Variants in DPP6 observed in about 807,000 individuals in gnomAD.
DPP6 encodes the protein dipeptidyl peptidase like 6, also known as A-type potassium channel modulatory protein DPP6.
In DPP6, 69 loss-of-function variants were observed where a neutral mutation model predicts 122.6. The ratio of observed to expected loss-of-function variants is 0.56; its 90% CI spans 0.46 to 0.69. The LOEUF (loss-of-function observed/expected upper bound fraction) is 0.69. Ranked by LOEUF, DPP6 falls within the 30% of genes least tolerant of loss-of-function variation. The pLI is 0.00. For synonymous variants in DPP6, 418 were observed against 433.1 expected (o/e 0.97, Z 0.43); for missense variants, 928 against 1,116.9 (o/e 0.83, Z 2.41).
chr7:154,274,547 T>A (rs1420288386), intron 1 of DPP6, among the ~76,000 whole-genome samples: 2 of 152,210 alleles, frequency 1.3e-5, no homozygotes, highest in African/African-American at 4.8e-5. Flanking sequence ...CCAGAAGTGT[T>A]AGACCTTGAA....
At position 154,282,824 on chromosome 7, in the gene DPP6, G is replaced by A. The variant is rs1804612072; in HGVS notation, c.244-163390G>A. Among the ~76,000 whole-genome samples the A allele has an allele frequency of 6.6e-6, 1 of 152,118 alleles. No homozygotes were observed. Among genetic ancestry groups the A allele is most frequent in the East Asian group, 1.9e-4 (1 of 5,192 alleles). On this transcript the variant is annotated intron_variant, in intron 1 of 25. Coordinates refer to ENST00000377770, the MANE Select transcript of DPP6 (RefSeq NM_130797.4). This position sits in a 1 kb window ranked among gnomAD's most constrained non-coding sequence, Gnocchi z 4.8. ...AGGGTTTAGAAATAACCACAAATAG[G>A]CCCATTTATAACAAGAGGTTGAAGG... is the stretch of plus-strand genomic sequence containing the variant.
At chr7:154,430,419 C>T (rs77146342) in intron 1 of DPP6, among the ~76,000 whole-genome samples, 3,241 of 152,200 alleles carry the variant, frequency 0.021, 41 homozygotes, top group Non-Finnish European at 0.031. Flanking sequence ...AGTGTGCTGG[C>T]GTGGTCAGGT....
chr7:154,170,448 G>A (rs1376577610), intron 1 of DPP6, among the ~76,000 whole-genome samples: 2 of 152,190 alleles, frequency 1.3e-5, no homozygotes, highest in African/African-American at 2.4e-5. Context: ...TATCAGGTCT[G>A]TTTTGTTCTC....
At chr7:154,351,751 G>A (rs1445338299) in intron 1 of DPP6, among the ~76,000 whole-genome samples, 1 of 152,184 alleles carries the variant, frequency 6.6e-6, no homozygotes, top group Non-Finnish European at 1.5e-5. Context: ...ATGTTAACAA[G>A]CAGCCTTGGA....
Position 154,893,164 on chromosome 7 carries a change from C to T in DPP6, c.*684C>T, listed in dbSNP as rs1806766996. 5.9e-6 allele frequency: 2 copies of T among 340,584 alleles called. No homozygotes were observed. Among genetic ancestry groups the T allele is most frequent in the Non-Finnish European group, 1.2e-5 (2 of 173,408 alleles). 21.1% of individuals were successfully genotyped at this position (340,584 alleles called of 1,614,324 possible). On this transcript the variant is annotated 3_prime_UTR_variant, in exon 26 of 26. Coordinates refer to ENST00000377770, the MANE Select transcript of DPP6 (RefSeq NM_130797.4). ...CTGTTTGGGGTTGGGCCTTGTTTCC[C>T]TTTCCTTTCTCCAGTCCACGTGTAG...
At chr7:153,825,511 C>T in the DPP6 span, among the ~76,000 whole-genome samples, 2 of 152,154 alleles carry the variant, frequency 1.3e-5, no homozygotes, top group Non-Finnish European at 2.9e-5. Flanking sequence ...CCAGACAGTG[C>T]CCCTTAGGGA....
chr7:154,544,792 C>T (rs748806733), intron 4 of DPP6, among the ~76,000 whole-genome samples: 2 of 152,136 alleles, frequency 1.3e-5, no homozygotes, highest in Non-Finnish European at 2.9e-5. Context: ...GATTCCAGAG[C>T]GTTAGGCTAG....
chr7:154,376,260 G>T (rs1165017393), intron 1 of DPP6, among the ~76,000 whole-genome samples: 10 of 152,196 alleles, frequency 6.6e-5, no homozygotes, highest in Non-Finnish European at 1.0e-4. Flanking sequence ...CTGTAATTGT[G>T]CTGGAAGGAC....
chr7:154,633,929 C>T (rs1160201505), intron 5 of DPP6, among the ~76,000 whole-genome samples: 1 of 152,096 alleles, frequency 6.6e-6, no homozygotes, highest in African/African-American at 2.4e-5. Context: ...TTTCACATTC[C>T]CACACTTGGC....
chr7:154,545,821 G>A (rs913051352), intron 4 of DPP6, among the ~76,000 whole-genome samples: 5 of 152,262 alleles, frequency 3.3e-5, no homozygotes, highest in African/African-American at 7.2e-5. Flanking sequence ...TGGATGTAAC[G>A]CACCAGTTCA....
chr7:154,488,006 T>C (rs1322485026), intron 3 of DPP6, among the ~76,000 whole-genome samples: 2 of 152,166 alleles, frequency 1.3e-5, no homozygotes, highest in Non-Finnish European at 1.5e-5. Context: ...GTAATTATCA[T>C]AGTTCCCTCA....
chr7:154,847,787 G>A (rs1275075670), intron 16 of DPP6, among the ~76,000 whole-genome samples: 1 of 152,172 alleles, frequency 6.6e-6, no homozygotes, highest in African/African-American at 2.4e-5. Flanking sequence ...AACTGAAACT[G>A]TGTACCCTTC....
At chr7:153,786,134 A>G in the DPP6 span, among the ~76,000 whole-genome samples, 2 of 152,094 alleles carry the variant, frequency 1.3e-5, no homozygotes, top group African/African-American at 2.4e-5. Flanking sequence ...GACTTAGACC[A>G]TGACTAATAG....
At chr7:154,509,591 G>C (rs965304019) in intron 3 of DPP6, among the ~76,000 whole-genome samples, 3 of 152,130 alleles carry the variant, frequency 2.0e-5, no homozygotes, top group Non-Finnish European at 2.9e-5. Context: ...AATAAACATA[G>C]AGTTATCCTT....
At chr7:154,058,712 C>T (rs111230537) in intron 1 of DPP6, 2,380 of 149,994 alleles carry the variant, frequency 0.016, 41 homozygotes, top group Middle Eastern at 0.029. Context: ...AATCTTCCGA[C>T]GGCAGGTACC....
rs769755446 is a variant in DPP6 at position 154,875,946 on chromosome 7, G to T, written c.1924G>T (p.Glu642Ter). 10 of 1,613,390 alleles carry T rather than the reference G, an allele frequency of 6.2e-6. No homozygotes were observed. Among genetic ancestry groups the T allele is most frequent in the Non-Finnish European group, 6.8e-6 (8 of 1,179,706 alleles). The change falls in exon 20 of 26, where the codon GAG (glutamate) becomes TAG (stop). Residue 642 changes from glutamate (E) to a stop codon, truncating the protein, a stop_gained. Transcript: ENST00000377770. LOFTEE classifies it high-confidence loss of function. This position sits in a 1 kb window ranked among gnomAD's most constrained non-coding sequence, Gnocchi z 4.5. ...CAGCCAGAGTGTGGCTGAGAAGTTC[G>T]AGGTGAGCTGGGAGACGGTGATGGT... Reference protein sequence around the residue: ...PGSQSVAEKFEVSWETVMVSS... With the variant: ...PGSQSVAEKF
intron 8 of DPP6, among the ~76,000 whole-genome samples, chr7:154,763,959 G>T (rs958571550): frequency 3.1e-5 from 4 of 130,700 alleles, no homozygotes; most frequent in Admixed American, 1.6e-4. Flanking sequence ...TGCCCTTTCT[G>T]CTGTGCACTC....
the DPP6 span, among the ~76,000 whole-genome samples, chr7:153,800,413 G>T: frequency 1.3e-5 from 2 of 152,148 alleles, no homozygotes; most frequent in African/African-American, 2.4e-5. Flanking sequence ...GGTTACAGAC[G>T]CTGGGAATGG....
At chr7:154,670,708 C>CA (rs994992965) in intron 7 of DPP6, among the ~76,000 whole-genome samples, 37 of 152,156 alleles carry the variant, frequency 2.4e-4, no homozygotes, top group South Asian at 1.7e-3. Flanking sequence ...TAAAATAGCA[C>CA]AAAAAATGAT....
Sources: allele counts gnomAD v4.1 joint callset (sites outside exome capture counted in the v4.1 genomes callset), GRCh38; gene constraint gnomAD v4.1.1; non-coding constraint Gnocchi (gnomAD v3.1); transcripts MANE v1.5; gene names NCBI Gene and HGNC (gene_info 2026-07-23, HGNC 2026-07-21).